The following COL19A1 variants were observed in gnomAD, a reference collection of about 807,000 sequenced individuals.
COL19A1 encodes collagen alpha-1(XIX) chain.
In COL19A1, 159 loss-of-function variants were observed where a neutral mutation model predicts 190.2. The observed-to-expected ratio is 0.84, with a 90% CI of 0.73 to 0.95. The LOEUF (loss-of-function observed/expected upper bound fraction) is 0.95. COL19A1 is among the 40% of genes least tolerant of loss of function. The pLI, the probability that COL19A1 is intolerant of heterozygous loss-of-function variation, is 0.00. For missense variants in COL19A1, 1,418 were observed against 1,431.9 expected (o/e 0.99, Z 0.16); for synonymous variants, 509 against 458.9 (o/e 1.11, Z -1.39).
At chr6:70,168,513 T>G in intron 39 of COL19A1, 142 bp from the exon 40 acceptor site, 1 of 700,272 alleles carries the variant, frequency 1.4e-6, no homozygotes, top group East Asian at 2.8e-5. Context: ...TTATTCATCT[T>G]ATTCTTCAAA....
intron 11 of COL19A1, among the ~76,000 whole-genome samples, chr6:70,009,570 C>G (rs1777855215): frequency 6.6e-6 from 1 of 152,004 alleles, no homozygotes; most frequent in Admixed American, 6.6e-5. Context: ...AAATCTGAAG[C>G]ATTTTTGCAA....
intron 35 of COL19A1, 54 bp from the exon 36 acceptor site, chr6:70,163,289 C>G (rs1178451082): frequency 1.3e-6 from 2 of 1,530,746 alleles, no homozygotes; most frequent in Middle Eastern, 1.7e-4. Context: ...CTTCCAATAC[C>G]CTTTGGCCAT....
intron 15 of COL19A1, among the ~76,000 whole-genome samples, chr6:70,083,431 A>C: frequency 6.6e-6 from 1 of 152,080 alleles, no homozygotes; most frequent in East Asian, 1.9e-4. Flanking sequence ...TATACTTCAT[A>C]TGTGTTTATT....
intron 3 of COL19A1, among the ~76,000 whole-genome samples, chr6:69,899,811 A>T (rs1427652010): frequency 6.6e-6 from 1 of 152,112 alleles, no homozygotes; most frequent in East Asian, 1.9e-4. Flanking sequence ...TTTCATGTGT[A>T]TGCATTTCCT....
chr6:70,163,425 C>A (rs1411164971), intron 36 of COL19A1, 29 bp downstream of exon 36: 3 of 1,602,960 alleles, frequency 1.9e-6, no homozygotes, highest in Non-Finnish European at 2.6e-6. Flanking sequence ...ACTTACCATC[C>A]AAACTGGGGC....
chr6:70,033,110 T>A (rs1359062351), intron 12 of COL19A1, among the ~76,000 whole-genome samples: 1 of 151,884 alleles, frequency 6.6e-6, no homozygotes, highest in Admixed American at 6.6e-5. Context: ...CAACTAGAAG[T>A]TTTTTTTGCC....
intron 18 of COL19A1, among the ~76,000 whole-genome samples, chr6:70,134,969 T>C (rs1340247852): frequency 1.2e-5 from 1 of 80,380 alleles, no homozygotes; most frequent in East Asian, 2.3e-4. Flanking sequence ...GAAAGCCCCG[T>C]GTTGTTTTAT....
intron 9 of COL19A1, among the ~76,000 whole-genome samples, chr6:69,956,960 A>C (rs1375780165): frequency 3.3e-5 from 5 of 152,040 alleles, no homozygotes; most frequent in Non-Finnish European, 5.9e-5. Flanking sequence ...GTTAAAAAAA[A>C]TCACCACAGG....
chr6:70,018,101 G>A (rs1277046077), intron 11 of COL19A1, among the ~76,000 whole-genome samples: 1 of 152,108 alleles, frequency 6.6e-6, no homozygotes, highest in Non-Finnish European at 1.5e-5. Flanking sequence ...AGAAAAGGCT[G>A]AAGATTCAGA....
intron 11 of COL19A1, among the ~76,000 whole-genome samples, chr6:70,018,740 C>T (rs1449582104): frequency 2.0e-5 from 3 of 152,032 alleles, no homozygotes; most frequent in Admixed American, 6.6e-5. Context: ...TTTTGAGCTA[C>T]GTATCATTGT....
chr6:70,096,269 T>TTTC (rs1783268285), intron 15 of COL19A1, among the ~76,000 whole-genome samples: 1 of 151,400 alleles, frequency 6.6e-6, no homozygotes, highest in Admixed American at 6.6e-5. Context: ...TTGTATTTTT[T>TTTC]TTTTTTTAGA....
At chr6:70,052,428 A>G (rs911232578) in intron 14 of COL19A1, among the ~76,000 whole-genome samples, 2 of 152,232 alleles carry the variant, frequency 1.3e-5, no homozygotes, top group African/African-American at 4.8e-5. Flanking sequence ...TTGTTTATGA[A>G]CAAATATTAG....
intron 25 of COL19A1, among the ~76,000 whole-genome samples, chr6:70,145,220 G>C (rs934003245): frequency 6.6e-6 from 1 of 152,062 alleles, no homozygotes; most frequent in African/African-American, 2.4e-5. Context: ...AAAGACAGAT[G>C]TATTCGTATG....
chr6:69,872,176 A>G (rs1209069834), intron 1 of COL19A1, among the ~76,000 whole-genome samples: 1 of 151,014 alleles, frequency 6.6e-6, no homozygotes, highest in African/African-American at 2.4e-5. Flanking sequence ...TTTCATTTTA[A>G]CTCTTTAGTG....
intron 14 of COL19A1, among the ~76,000 whole-genome samples, chr6:70,042,231 T>A (rs1336038402): frequency 6.6e-6 from 1 of 152,120 alleles, no homozygotes; most frequent in Non-Finnish European, 1.5e-5. Flanking sequence ...TCTCAAAGTA[T>A]CAAATTCGAA....
chr6:69,901,742 TTC>T (rs1312605516), intron 4 of COL19A1, among the ~76,000 whole-genome samples: 1 of 152,216 alleles, frequency 6.6e-6, no homozygotes, highest in African/African-American at 2.4e-5. Context: ...AGGCAATACA[TTC>T]TGTTTAAAAA....
intron 48 of COL19A1, among the ~76,000 whole-genome samples, chr6:70,193,840 A>G (rs1180504764): frequency 6.6e-6 from 1 of 152,204 alleles, no homozygotes; most frequent in East Asian, 1.9e-4. Context: ...CTTAGAAATC[A>G]CTTTTTCCAT....
chr6:69,890,577 T>C (rs988054138), intron 2 of COL19A1: 1 of 152,204 alleles, frequency 6.6e-6, no homozygotes, highest in African/African-American at 2.4e-5. Context: ...CCAGGTAAAA[T>C]ACAGATGCCC....
chr6:69,927,074 G>T (rs1251067004), intron 4 of COL19A1, among the ~76,000 whole-genome samples: 1 of 152,036 alleles, frequency 6.6e-6, no homozygotes, highest in Admixed American at 6.6e-5. Flanking sequence ...CCCAGAATTT[G>T]AGACTAGCAC....
Sources: allele counts gnomAD v4.1 joint callset (sites outside exome capture counted in the v4.1 genomes callset), GRCh38; gene constraint gnomAD v4.1.1; transcripts MANE v1.5; gene names NCBI Gene and HGNC (gene_info 2026-07-23, HGNC 2026-07-21).